Variants in PCDH11X observed in about 807,000 individuals in gnomAD.
PCDH11X encodes protocadherin 11 X-linked.
In PCDH11X, 18 loss-of-function variants were observed where a neutral mutation model predicts 53.3. That is an observed-to-expected ratio of 0.34 (90% CI 0.23 to 0.50). The LOEUF (loss-of-function observed/expected upper bound fraction) is 0.50. Among genes scored for constraint, PCDH11X ranks in the 20% least tolerant of loss-of-function variants. The pLI is 0.98. For missense variants in PCDH11X, 570 were observed against 1,032.4 expected, an observed-to-expected ratio of 0.55 and a Z score of 6.14; for synonymous variants, 279 against 393.3, an observed-to-expected ratio of 0.71 and a Z score of 3.44.
In PCDH11X at chrX:92,084,781, G is replaced by A. The variant is rs184189692; in HGVS notation, c.3034-116594G>A. ...TTGGGCTACCTCTTAATCTTAGACA[G>A]CTTTTTAAAGAGTGATTATTATACA... On this transcript the variant is annotated intron_variant, in intron 6 of 10. Transcript: ENST00000682573. Among the ~76,000 whole-genome samples the A allele has an allele frequency of 2.7e-5, 3 of 110,505 alleles. No individual in the cohort carries two copies. The East Asian group carries it at 8.6e-4, about 32-fold the overall frequency.
At chrX:92,261,214 T>A (rs752893626) in intron 7 of PCDH11X, among the ~76,000 whole-genome samples, 3 of 111,542 alleles carry the variant, frequency 2.7e-5, no homozygotes, top group East Asian at 2.8e-4. Context: ...TTTGACAGAT[T>A]GTGTTGTGTC....
intron 8 of PCDH11X, among the ~76,000 whole-genome samples, chrX:92,285,879 G>A (rs777322000): frequency 7.4e-4 from 83 of 111,592 alleles, no homozygotes; most frequent in Non-Finnish European, 1.3e-3. Flanking sequence ...GATAAGCATT[G>A]TTTCTATAGA....
chrX:91,780,419 T>C (rs1029163984), intron 1 of PCDH11X, among the ~76,000 whole-genome samples: 2 of 112,313 alleles, frequency 1.8e-5, no homozygotes, highest in African/African-American at 6.5e-5. Flanking sequence ...AATCAACTTA[T>C]AATCTAGCCG....
chrX:92,286,296 T>A (rs1269206066), intron 8 of PCDH11X, among the ~76,000 whole-genome samples: 1 of 109,540 alleles, frequency 9.1e-6, no homozygotes, highest in Non-Finnish European at 1.9e-5. Flanking sequence ...TTATTTAATG[T>A]TGGTGCATAC....
At chrX:92,470,187 A>G (rs1310102557) in intron 10 of PCDH11X, among the ~76,000 whole-genome samples, 1 of 105,617 alleles carries the variant, frequency 9.5e-6, no homozygotes, top group African/African-American at 3.4e-5. Flanking sequence ...ATGTTGGCAC[A>G]TAAACATGTT....
In PCDH11X at chrX:92,271,912, G is replaced by A. The variant is rs958199678; in HGVS notation, c.3144+8769G>A. On this transcript the variant is annotated intron_variant, in intron 8 of 10. Transcript: ENST00000682573. ...TTCATATATGTCCCTTAAGCATTAT[G>A]ATTTAAAGACTAGAACAAGTATTTA... is the stretch of plus-strand genomic sequence containing the variant. Among the ~76,000 whole-genome samples, 5 of 112,141 alleles carry A rather than the reference G, an allele frequency of 4.5e-5. 1 individual carries two copies. Among genetic ancestry groups the A allele is most frequent in the Admixed American group, 3.8e-4 (4 of 10,547 alleles).
chrX:92,358,499 TATA>T (rs780958772), intron 8 of PCDH11X, among the ~76,000 whole-genome samples: 1,761 of 69,657 alleles, frequency 0.025, 33 homozygotes, highest in Non-Finnish European at 0.038. Context: ...TGAAAAATGT[TATA>T]ATATTTCTGG....
At chrX:91,959,322 A>G (rs1481795672) in intron 6 of PCDH11X, among the ~76,000 whole-genome samples, 1 of 109,973 alleles carries the variant, frequency 9.1e-6, no homozygotes, top group African/African-American at 3.3e-5. Flanking sequence ...CTTGACATCT[A>G]CTCTCTTAGT....
intron 9 of PCDH11X, among the ~76,000 whole-genome samples, chrX:92,429,659 A>G (rs1251759600): frequency 9.4e-6 from 1 of 106,177 alleles, no homozygotes; most frequent in African/African-American, 3.4e-5. Context: ...GGGGATGTAT[A>G]TCATGACAAA....
At chrX:92,262,000 A>G (rs1188441705) in intron 7 of PCDH11X, among the ~76,000 whole-genome samples, 1 of 111,676 alleles carries the variant, frequency 9.0e-6, no homozygotes, top group African/African-American at 3.2e-5. Flanking sequence ...AAGGACAAGA[A>G]GCATACTTTA....
chrX:92,317,081 T>C (rs1240061898), intron 8 of PCDH11X, among the ~76,000 whole-genome samples: 1 of 111,527 alleles, frequency 9.0e-6, no homozygotes, highest in African/African-American at 3.3e-5. Context: ...TTTTAAACTT[T>C]GGAGTTAGAG....
At chrX:92,330,131 A>C (rs2069429565) in intron 8 of PCDH11X, among the ~76,000 whole-genome samples, 1 of 110,628 alleles carries the variant, frequency 9.0e-6, no homozygotes, top group African/African-American at 3.3e-5. Context: ...CCGCAAATTA[A>C]AAATTTAAAA....
chrX:91,973,959 A>T (rs1372923343), intron 6 of PCDH11X, among the ~76,000 whole-genome samples: 1 of 111,030 alleles, frequency 9.0e-6, no homozygotes, highest in East Asian at 2.8e-4. Context: ...AACAAAAGGA[A>T]AAGTAAAATT....
At chrX:92,574,974 C>T (rs1922650434) in intron 10 of PCDH11X, among the ~76,000 whole-genome samples, 1 of 110,320 alleles carries the variant, frequency 9.1e-6, no homozygotes, top group African/African-American at 3.3e-5. Flanking sequence ...TACGGTAATG[C>T]TATTATATGA....
At chrX:92,464,838 G>A (rs1209691031) in intron 9 of PCDH11X, among the ~76,000 whole-genome samples, 1 of 109,253 alleles carries the variant, frequency 9.2e-6, no homozygotes, top group East Asian at 2.9e-4. Flanking sequence ...ATTATTCAAA[G>A]AGGTATTGGT....
At chrX:91,860,581 A>G (rs1255629187) in intron 5 of PCDH11X, among the ~76,000 whole-genome samples, 1 of 111,683 alleles carries the variant, frequency 9.0e-6, no homozygotes, top group African/African-American at 3.3e-5. Flanking sequence ...CCCATTCAAT[A>G]TGATATTGGC....
At chrX:92,230,897 G>A (rs187419390) in intron 7 of PCDH11X, among the ~76,000 whole-genome samples, 11 of 110,513 alleles carry the variant, frequency 1.0e-4, no homozygotes, top group East Asian at 2.9e-4. Context: ...AGGAGAAAAC[G>A]GCAGTGCAGA....
intron 6 of PCDH11X, among the ~76,000 whole-genome samples, chrX:91,973,452 TAAA>T (rs764254248): frequency 1.1e-5 from 1 of 88,599 alleles, no homozygotes; most frequent in African/African-American, 4.2e-5. Context: ...AAAAAAAAAT[TAAA>T]AAAAAAAAAA....
chrX:92,201,270 C>A (rs2066385754), intron 6 of PCDH11X, 105 bp from the exon 7 acceptor site: 18 of 1,047,238 alleles, frequency 1.7e-5, no homozygotes, highest in Non-Finnish European at 2.1e-5. Flanking sequence ...ATAATCTACC[C>A]AGGCACTATT....
Sources: allele counts gnomAD v4.1 joint callset (sites outside exome capture counted in the v4.1 genomes callset), GRCh38; gene constraint gnomAD v4.1.1; transcripts MANE v1.5; gene names NCBI Gene and HGNC (gene_info 2026-07-23, HGNC 2026-07-21).